GALNT13: variants seen among roughly 807,000 people sequenced by gnomAD.
GALNT13 encodes polypeptide N-acetylgalactosaminyltransferase 13.
A neutral mutation model predicts 64.2 loss-of-function variants in GALNT13; 28 were observed. That is an observed-to-expected ratio of 0.44 (90% confidence interval 0.32 to 0.60). The LOEUF (loss-of-function observed/expected upper bound fraction) is 0.60, where lower values mean the gene tolerates loss of function less well. Ranked by LOEUF, GALNT13 falls within the 20% of genes least tolerant of loss-of-function variation. The pLI is 0.05. For missense variants in GALNT13, 577 were observed against 669.8 expected (o/e 0.86, Z 1.53); for synonymous variants, 214 against 224.6 (o/e 0.95, Z 0.42).
At chr2:153,744,536 C>A in the GALNT13 span, among the ~76,000 whole-genome samples, 2 of 152,074 alleles carry the variant, frequency 1.3e-5, no homozygotes, top group Non-Finnish European at 2.9e-5. Flanking sequence ...TAGATTTACA[C>A]CTACAGAGTT....
At chr2:153,840,176 T>C in the GALNT13 span, among the ~76,000 whole-genome samples, 5 of 152,128 alleles carry the variant, frequency 3.3e-5, no homozygotes, top group African/African-American at 1.2e-4. Flanking sequence ...AACTAACACA[T>C]AGTTCAGTGT....
chr2:154,118,318 ATTTT>A (rs34962261), intron 3 of GALNT13, among the ~76,000 whole-genome samples: 1 of 134,020 alleles, frequency 7.5e-6, no homozygotes, highest in Non-Finnish European at 1.6e-5. Context: ...CTTAAAGTCT[ATTTT>A]TTTTTTAAGT....
At chr2:153,764,507 G>T in the GALNT13 span, among the ~76,000 whole-genome samples, 1 of 152,120 alleles carries the variant, frequency 6.6e-6, no homozygotes, top group African/African-American at 2.4e-5. Flanking sequence ...TTGCACTACA[G>T]CCTGGGCTAC....
chr2:153,257,000 A>G, the GALNT13 span, among the ~76,000 whole-genome samples: 7,910 of 152,250 alleles, frequency 0.052, 292 homozygotes, highest in Non-Finnish European at 0.08. Flanking sequence ...CTTCCCGGCT[A>G]CTTTGTTTAC....
At chr2:154,001,786 T>TGTTAGAATGTTTATTTCAATAATG (rs1695927578) in intron 3 of GALNT13, among the ~76,000 whole-genome samples, 1 of 152,072 alleles carries the variant, frequency 6.6e-6, no homozygotes, top group Non-Finnish European at 1.5e-5. Flanking sequence ...TTTTGATACA[T>TGTTAGAATGTTTATTTCAATAATG]GTTAGAATGT....
At chr2:154,376,229 A>G (rs1214758069) in intron 9 of GALNT13, among the ~76,000 whole-genome samples, 1 of 152,142 alleles carries the variant, frequency 6.6e-6, no homozygotes, top group African/African-American at 2.4e-5. Context: ...TTTTCTAAAA[A>G]TTGTATTACT....
intron 4 of GALNT13, among the ~76,000 whole-genome samples, chr2:154,191,954 G>C (rs891549064): frequency 6.6e-6 from 1 of 152,210 alleles, no homozygotes; most frequent in East Asian, 1.9e-4. Flanking sequence ...TGTACCAGAA[G>C]AATCGGATCA....
the GALNT13 span, among the ~76,000 whole-genome samples, chr2:153,290,845 C>A: frequency 1.3e-5 from 2 of 152,114 alleles, no homozygotes. Flanking sequence ...TGATTCTATT[C>A]AGTGTTGCCC....
At chr2:153,747,294 G>A in the GALNT13 span, among the ~76,000 whole-genome samples, 8 of 151,914 alleles carry the variant, frequency 5.3e-5, no homozygotes, top group Non-Finnish European at 1.2e-4. Context: ...CAAATAGTAG[G>A]TCATATTCAT....
At chr2:153,916,394 C>T (rs1042639819) in intron 2 of GALNT13, among the ~76,000 whole-genome samples, 3 of 152,062 alleles carry the variant, frequency 2.0e-5, no homozygotes, top group Admixed American at 6.6e-5. Context: ...TGGCTTCAAA[C>T]GATCCTCCTG....
intron 9 of GALNT13, among the ~76,000 whole-genome samples, chr2:154,354,050 C>G (rs1696570333): frequency 6.6e-6 from 1 of 152,168 alleles, no homozygotes; most frequent in Non-Finnish European, 1.5e-5. Context: ...GTTTTCTTCT[C>G]TCTACCCCCA....
At chr2:153,427,234 A>C in the GALNT13 span, among the ~76,000 whole-genome samples, 1 of 152,060 alleles carries the variant, frequency 6.6e-6, no homozygotes, top group Non-Finnish European at 1.5e-5. Flanking sequence ...TTGACCAGGA[A>C]CATACATAGG....
At chr2:153,476,813 C>T in the GALNT13 span, among the ~76,000 whole-genome samples, 1 of 152,194 alleles carries the variant, frequency 6.6e-6, no homozygotes, top group African/African-American at 2.4e-5. Context: ...GCATTAACGT[C>T]ACTAACGTCA....
At chr2:154,168,866 A>C (rs1685189546) in intron 4 of GALNT13, among the ~76,000 whole-genome samples, 1 of 151,850 alleles carries the variant, frequency 6.6e-6, no homozygotes, top group Admixed American at 6.6e-5. Flanking sequence ...AAAAAAGAGA[A>C]AGAAAAGAGA....
chr2:153,123,776 TA>T, the GALNT13 span, among the ~76,000 whole-genome samples: 1 of 152,184 alleles, frequency 6.6e-6, no homozygotes, highest in Admixed American at 6.5e-5. Context: ...AAATTACACT[TA>T]GAATAGCTGT....
the GALNT13 span, among the ~76,000 whole-genome samples, chr2:153,382,040 G>C: frequency 6.6e-6 from 1 of 152,042 alleles, no homozygotes; most frequent in Admixed American, 6.6e-5. Context: ...TCTAGAAACA[G>C]GCAATGCTGA....
chr2:153,488,942 A>G, the GALNT13 span, among the ~76,000 whole-genome samples: 1 of 152,212 alleles, frequency 6.6e-6, no homozygotes, highest in Admixed American at 6.5e-5. Flanking sequence ...GGACATAGCA[A>G]GCATATTGAT....
chr2:153,336,547 C>T, the GALNT13 span, among the ~76,000 whole-genome samples: 1 of 152,224 alleles, frequency 6.6e-6, no homozygotes, highest in Admixed American at 6.5e-5. Flanking sequence ...GACAATTTCT[C>T]CCATTTGGAA....
the GALNT13 span, among the ~76,000 whole-genome samples, chr2:153,251,729 T>G: frequency 4.0e-4 from 60 of 151,512 alleles, 1 homozygote; most frequent in South Asian, 4.2e-3. Flanking sequence ...TGTTTGGTTT[T>G]TTGTTCTTGC....
Sources: allele counts gnomAD v4.1 joint callset (sites outside exome capture counted in the v4.1 genomes callset), GRCh38; gene constraint gnomAD v4.1.1; transcripts MANE v1.5; gene names NCBI Gene and HGNC (gene_info 2026-07-23, HGNC 2026-07-21).